HHLA2: variants seen among roughly 807,000 people sequenced by gnomAD.
HHLA2 encodes the protein HERV-H LTR-associating protein 2.
Under a neutral mutation model 45.9 loss-of-function variants are expected in HHLA2, and 48 were observed. That is an observed-to-expected ratio of 1.05 (90% CI 0.83 to 1.33). HHLA2 has a LOEUF of 1.33. Ranked by LOEUF, HHLA2 falls within the 40% of genes most tolerant of loss-of-function variation. HHLA2 has a pLI of 0.00. For synonymous variants in HHLA2, 161 were observed against 173.9 expected (o/e 0.93, Z 0.59); for missense variants, 462 against 494.3 (o/e 0.93, Z 0.62).
intron 2 of HHLA2, among the ~76,000 whole-genome samples, chr3:108,311,607 G>A (rs2081019361): frequency 1.3e-5 from 2 of 152,074 alleles, no homozygotes; most frequent in Non-Finnish European, 2.9e-5. Flanking sequence ...TTAAGATTGG[G>A]TATTGGGCAC....
At chr3:108,305,251 G>A (rs1365330318) in intron 1 of HHLA2, among the ~76,000 whole-genome samples, 3 of 152,190 alleles carry the variant, frequency 2.0e-5, no homozygotes, top group African/African-American at 7.2e-5. Context: ...AGGGCTGTGA[G>A]AGAGAAGGAA....
chr3:108,357,419 G>A (rs2081912617), intron 6 of HHLA2, among the ~76,000 whole-genome samples: 1 of 152,160 alleles, frequency 6.6e-6, no homozygotes, highest in African/African-American at 2.4e-5. Context: ...AAGAAGTAGT[G>A]AGGCCATAAA....
chr3:108,359,380 C>T (rs997933606), intron 7 of HHLA2, among the ~76,000 whole-genome samples: 1 of 152,066 alleles, frequency 6.6e-6, no homozygotes, highest in Admixed American at 6.5e-5. Context: ...CCCTTCCCCA[C>T]GAGGAAGAGG....
intron 2 of HHLA2, among the ~76,000 whole-genome samples, chr3:108,317,710 G>T (rs993312289): frequency 6.6e-6 from 1 of 151,728 alleles, no homozygotes; most frequent in Non-Finnish European, 1.5e-5. Flanking sequence ...AAGTAGCTGG[G>T]ATCACAGGCA....
rs55718572 is a variant in HHLA2 at position 108,368,535 on chromosome 3, C to CAAAAA, written c.1108+6120_1108+6124dup. Among the ~76,000 whole-genome samples, 52 of 6,620 alleles carry CAAAAA rather than the reference C, an allele frequency of 7.9e-3. 19 individuals are homozygous for CAAAAA. In the East Asian group the frequency reaches 0.091, roughly 12 times the overall value. The allele number at this position is 6,620 out of a possible 152,430, so 4.3% of individuals were successfully genotyped here. A position where few individuals can be genotyped will look rare whatever the true frequency, so the allele number is the denominator to read the frequency against. ...GAATATTTACCAAGCAAACGAAGAG[C>CAAAAA]AAAAAAAAAAAAAAAAAAAAAAAAA... On this transcript the variant is annotated intron_variant, in intron 8 of 10. Transcript: ENST00000619531.
At chr3:108,330,491 G>A (rs1043103211) in intron 3 of HHLA2, among the ~76,000 whole-genome samples, 2 of 152,218 alleles carry the variant, frequency 1.3e-5, no homozygotes, top group Non-Finnish European at 2.9e-5. Flanking sequence ...AATAGCAATA[G>A]ATTTTTGAGT....
exon 4 of HHLA2, chr3:108,351,834 G>A (rs2081783656): frequency 3.1e-6 from 5 of 1,612,846 alleles, no homozygotes; most frequent in Non-Finnish European, 4.2e-6. Flanking sequence ...AGACAGCACT[G>A]TCTTTCTTCC....
intron 4 of HHLA2, among the ~76,000 whole-genome samples, chr3:108,352,977 C>T (rs2081807773): frequency 6.6e-6 from 1 of 152,192 alleles, no homozygotes; most frequent in Non-Finnish European, 1.5e-5. Flanking sequence ...TTTTCTTACC[C>T]AGTCAAGCTG....
At chr3:108,375,761 G>T (rs2082265258) in exon 9 of HHLA2, 1 of 1,610,898 alleles carries the variant, frequency 6.2e-7, no homozygotes, top group African/African-American at 1.3e-5. Flanking sequence ...CCAGCTAGAA[G>T]CCAGGAGGAG....
chr3:108,358,139 T>C, exon 7 of HHLA2: 1 of 1,610,702 alleles, frequency 6.2e-7, no homozygotes, highest in Non-Finnish European at 8.5e-7. Flanking sequence ...ATACTTTACT[T>C]ACCATCCACA....
chr3:108,311,095 T>G (rs1439733009), intron 2 of HHLA2, among the ~76,000 whole-genome samples: 2 of 152,216 alleles, frequency 1.3e-5, no homozygotes, highest in Admixed American at 1.3e-4. Flanking sequence ...GAAATTGTTC[T>G]ACTCATAACA....
chr3:108,342,366 T>A (rs1201460167), intron 3 of HHLA2, among the ~76,000 whole-genome samples: 1 of 148,906 alleles, frequency 6.7e-6, no homozygotes, highest in Non-Finnish European at 1.5e-5. Flanking sequence ...CAGGTTCAAG[T>A]GATTCTCCTG....
At chr3:108,377,194 A>C (rs1311028773) in intron 10 of HHLA2, 64 bp from the exon 10 acceptor site, 1 of 1,103,090 alleles carries the variant, frequency 9.1e-7, no homozygotes, top group Non-Finnish European at 1.4e-6. Context: ...ATAAATATTT[A>C]AGATATAAAT....
At chr3:108,360,216 A>G (rs1000193117) in intron 7 of HHLA2, among the ~76,000 whole-genome samples, 7 of 152,042 alleles carry the variant, frequency 4.6e-5, no homozygotes, top group African/African-American at 1.7e-4. Flanking sequence ...ACCAGAACAC[A>G]TTTCTGTTAT....
intron 2 of HHLA2, among the ~76,000 whole-genome samples, chr3:108,325,235 C>CA (rs561898936): frequency 7.3e-5 from 11 of 150,848 alleles, no homozygotes; most frequent in South Asian, 4.2e-4. Flanking sequence ...GTGCAAAAAA[C>CA]AAAAAAAAAC....
At chr3:108,368,535 CAAAAAAAAAAAAAAAAA>C (rs55718572) in intron 8 of HHLA2, among the ~76,000 whole-genome samples, 27 of 6,624 alleles carry the variant, frequency 4.1e-3, no homozygotes, top group East Asian at 0.034. Context: ...AAACGAAGAG[CAAAAAAAAAAAAAAAAA>C]AAAAAAAAAA....
At chr3:108,358,332 C>T (rs2081933886) in intron 7 of HHLA2, among the ~76,000 whole-genome samples, 171 bp downstream of exon 6, 1 of 152,084 alleles carries the variant, frequency 6.6e-6, no homozygotes, top group Non-Finnish European at 1.5e-5. Flanking sequence ...CCTTCAACCA[C>T]ACAAAAGTCC....
At chr3:108,335,453 C>T (rs2081456299) in intron 3 of HHLA2, among the ~76,000 whole-genome samples, 1 of 152,106 alleles carries the variant, frequency 6.6e-6, no homozygotes, top group African/African-American at 2.4e-5. Context: ...AGGGCTAACC[C>T]TAAAAGACGA....
intron 3 of HHLA2, among the ~76,000 whole-genome samples, chr3:108,341,523 T>C (rs2081571085): frequency 1.3e-5 from 2 of 152,218 alleles, no homozygotes; most frequent in African/African-American, 4.8e-5. Flanking sequence ...ACATTTTACA[T>C]TACTCTGTTA....
Sources: allele counts gnomAD v4.1 joint callset (sites outside exome capture counted in the v4.1 genomes callset), GRCh38; gene constraint gnomAD v4.1.1; transcripts MANE v1.5; gene names NCBI Gene and HGNC (gene_info 2026-07-23, HGNC 2026-07-21).